PPARGC1A: variants seen among roughly 807,000 people sequenced by gnomAD.
PPARGC1A encodes PPARG coactivator 1 alpha.
A neutral mutation model predicts 88.7 loss-of-function variants in PPARGC1A; 25 were observed. The ratio of observed to expected loss-of-function variants is 0.28; its 90% CI spans 0.21 to 0.39. The LOEUF (loss-of-function observed/expected upper bound fraction) is 0.39, where lower values mean the gene tolerates loss of function less well. Among genes scored for constraint, PPARGC1A ranks in the 10% least tolerant of loss-of-function variants. The probability of loss-of-function intolerance (pLI) is 1.00; values close to 1 mark genes in which losing one functional copy is unlikely to be tolerated. For synonymous variants in PPARGC1A, 363 were observed against 355.6 expected (o/e 1.02, Z -0.24); for missense variants, 880 against 968.7 (o/e 0.91, Z 1.22).
At chr4:24,294,955 C>A in the PPARGC1A span, among the ~76,000 whole-genome samples, 2 of 152,182 alleles carry the variant, frequency 1.3e-5, no homozygotes, top group African/African-American at 4.8e-5. Flanking sequence ...GTGGCCCTCA[C>A]CAGCATCAGC....
the PPARGC1A span, among the ~76,000 whole-genome samples, chr4:23,979,432 A>G: frequency 6.6e-6 from 1 of 152,254 alleles, no homozygotes; most frequent in East Asian, 1.9e-4. Context: ...ACATGGTTAC[A>G]ATTATTAGTT....
chr4:24,083,065 G>T, the PPARGC1A span, among the ~76,000 whole-genome samples: 1 of 152,152 alleles, frequency 6.6e-6, no homozygotes, highest in African/African-American at 2.4e-5. Context: ...AGGCAGATGA[G>T]GGCACTGGTT....
chr4:23,827,580 G>A (rs962427167), intron 5 of PPARGC1A, among the ~76,000 whole-genome samples: 3 of 152,086 alleles, frequency 2.0e-5, no homozygotes, highest in African/African-American at 7.2e-5. Flanking sequence ...TGAGAAGGAG[G>A]AGCCTAAAAG....
intron 7 of PPARGC1A, among the ~76,000 whole-genome samples, chr4:23,818,951 T>A (rs1206782576): frequency 6.7e-6 from 1 of 150,150 alleles, no homozygotes; most frequent in African/African-American, 2.5e-5. Flanking sequence ...TTTGCATATG[T>A]TGCATGCCAA....
chr4:24,295,045 G>A, the PPARGC1A span, among the ~76,000 whole-genome samples: 3 of 152,302 alleles, frequency 2.0e-5, no homozygotes, highest in East Asian at 1.9e-4. Flanking sequence ...ATCAATCCCC[G>A]CTTTCAACCC....
chr4:24,442,621 G>A, the PPARGC1A span, among the ~76,000 whole-genome samples: 3 of 152,166 alleles, frequency 2.0e-5, no homozygotes, highest in African/African-American at 7.2e-5. Context: ...CTTCCTGATA[G>A]TAATCTGTTT....
the PPARGC1A span, among the ~76,000 whole-genome samples, chr4:24,369,395 A>G: frequency 6.6e-6 from 1 of 152,342 alleles, no homozygotes; most frequent in East Asian, 1.9e-4. Flanking sequence ...GAGGAATGGC[A>G]TCCGAGACAT....
chr4:23,832,015 T>C (rs41266543), intron 2 of PPARGC1A, among the ~76,000 whole-genome samples: 5,730 of 152,330 alleles, frequency 0.038, 113 homozygotes, highest in Middle Eastern at 0.058. Flanking sequence ...AACTGCTGTA[T>C]GCAATTCTTC....
chr4:24,439,847 T>G, the PPARGC1A span, among the ~76,000 whole-genome samples: 17 of 152,330 alleles, frequency 1.1e-4, no homozygotes, highest in African/African-American at 4.1e-4. Flanking sequence ...GATTTTACTG[T>G]GCATTCATGG....
chr4:24,422,601 G>A, the PPARGC1A span, among the ~76,000 whole-genome samples: 59 of 146,750 alleles, frequency 4.0e-4, no homozygotes, highest in African/African-American at 1.4e-3. Context: ...AAGTGAATAT[G>A]CCTTTTATTG....
At chr4:23,854,083 T>A (rs565027393) in intron 2 of PPARGC1A, among the ~76,000 whole-genome samples, 1 of 152,222 alleles carries the variant, frequency 6.6e-6, no homozygotes, top group African/African-American at 2.4e-5. Context: ...TCTGTATTAT[T>A]TTTATTAGCC....
the PPARGC1A span, among the ~76,000 whole-genome samples, chr4:24,339,069 T>C: frequency 6.6e-6 from 1 of 152,032 alleles, no homozygotes; most frequent in Non-Finnish European, 1.5e-5. Context: ...CATGTCCTGG[T>C]AACCTCCATT....
upstream of PPARGC1A, among the ~76,000 whole-genome samples, chr4:23,891,883 T>C (rs1402820013): frequency 6.6e-6 from 1 of 152,220 alleles, no homozygotes; most frequent in East Asian, 1.9e-4. Context: ...TCTTCCCAAT[T>C]ATATTCTGAT....
chr4:24,399,772 T>C, the PPARGC1A span, among the ~76,000 whole-genome samples: 3 of 152,056 alleles, frequency 2.0e-5, no homozygotes, highest in Non-Finnish European at 2.9e-5. Flanking sequence ...CATATGAACA[T>C]TTACACCAAA....
chr4:23,939,187 G>A, the PPARGC1A span, among the ~76,000 whole-genome samples: 1 of 152,094 alleles, frequency 6.6e-6, no homozygotes, highest in Non-Finnish European at 1.5e-5. Context: ...ATCAATGGTA[G>A]CAACCTCCTG....
the PPARGC1A span, among the ~76,000 whole-genome samples, chr4:24,442,778 C>T: frequency 3.9e-5 from 6 of 152,152 alleles, no homozygotes; most frequent in East Asian, 5.8e-4. Flanking sequence ...GCTAAATCTA[C>T]GGCACACAGT....
the PPARGC1A span, among the ~76,000 whole-genome samples, chr4:23,987,202 G>C: frequency 6.6e-6 from 1 of 151,970 alleles, no homozygotes; most frequent in Non-Finnish European, 1.5e-5. Flanking sequence ...TAAGAATATT[G>C]AGTTTGTCCA....
chr4:24,173,355 A>T, the PPARGC1A span, among the ~76,000 whole-genome samples: 1 of 151,480 alleles, frequency 6.6e-6, no homozygotes, highest in African/African-American at 2.4e-5. Flanking sequence ...AAAAAAAAAA[A>T]AAGAAAAAAA....
the PPARGC1A span, among the ~76,000 whole-genome samples, chr4:24,226,269 G>A: frequency 6.6e-6 from 1 of 152,194 alleles, no homozygotes; most frequent in South Asian, 2.1e-4. Context: ...TCTGTTCACA[G>A]CTCAGAGGCA....
Sources: allele counts gnomAD v4.1 joint callset (sites outside exome capture counted in the v4.1 genomes callset), GRCh38; gene constraint gnomAD v4.1.1; transcripts MANE v1.5; gene names NCBI Gene and HGNC (gene_info 2026-07-23, HGNC 2026-07-21).